SCAF8: variants seen among roughly 807,000 people sequenced by gnomAD.
SCAF8 encodes the protein SR-related and CTD-associated factor 8.
In SCAF8, 23 loss-of-function variants were observed where a neutral mutation model predicts 140.5. The ratio of observed to expected loss-of-function variants is 0.16; its 90% CI spans 0.12 to 0.23. The LOEUF (loss-of-function observed/expected upper bound fraction) is 0.23, where lower values mean the gene tolerates loss of function less well. SCAF8 is among the 10% of genes least tolerant of loss of function. SCAF8 has a pLI of 1.00. For synonymous variants in SCAF8, 575 were observed against 528.9 expected (o/e 1.09, Z -1.20); for missense variants, 1,397 against 1,555.7 (o/e 0.90, Z 1.72).
chr6:154,793,345 T>C (rs1387679008), intron 5 of SCAF8, among the ~76,000 whole-genome samples: 2 of 152,032 alleles, frequency 1.3e-5, no homozygotes, highest in African/African-American at 4.8e-5. Context: ...GAAACAATTA[T>C]TTAACAAAAC....
intron 1 of SCAF8, among the ~76,000 whole-genome samples, chr6:154,765,498 A>T (rs2114831257): frequency 6.6e-6 from 1 of 152,352 alleles, no homozygotes; most frequent in African/African-American, 2.4e-5. Flanking sequence ...TTATTTTTGT[A>T]TCCAACGAAA....
intron 1 of SCAF8, among the ~76,000 whole-genome samples, chr6:154,761,529 A>G (rs1379371609): frequency 6.6e-6 from 1 of 152,276 alleles, no homozygotes; most frequent in Non-Finnish European, 1.5e-5. Context: ...ATCATTTTGG[A>G]AGTTTTCAGA....
chr6:154,758,297 A>G (rs1394014310), intron 1 of SCAF8, among the ~76,000 whole-genome samples: 1 of 152,186 alleles, frequency 6.6e-6, no homozygotes, highest in African/African-American at 2.4e-5. Context: ...ATTTTTGTTT[A>G]TCAGGCAGTC....
At chr6:154,742,405 A>G (rs1241984171) in intron 1 of SCAF8, among the ~76,000 whole-genome samples, 1 of 152,210 alleles carries the variant, frequency 6.6e-6, no homozygotes, top group Non-Finnish European at 1.5e-5. Context: ...CAAATTATTG[A>G]CATATATGCT....
At chr6:154,780,232 C>T (rs1777047192) in intron 3 of SCAF8, among the ~76,000 whole-genome samples, 1 of 152,010 alleles carries the variant, frequency 6.6e-6, no homozygotes, top group Admixed American at 6.6e-5. Context: ...CTCTATTTTA[C>T]ATTTCAAAAT....
chr6:154,795,736 G>A (rs994959367), intron 6 of SCAF8, among the ~76,000 whole-genome samples: 8 of 152,198 alleles, frequency 5.3e-5, no homozygotes, highest in Admixed American at 1.3e-4. Context: ...GGCTTCTGTG[G>A]CTAGAACTTC....
At chr6:154,771,887 G>A (rs1776778458) in intron 1 of SCAF8, among the ~76,000 whole-genome samples, 2 of 152,008 alleles carry the variant, frequency 1.3e-5, no homozygotes, top group Non-Finnish European at 2.9e-5. Flanking sequence ...TAGAAGTTGG[G>A]GGGGAAAAAA....
At chr6:154,772,536 A>G (rs1458929489) in intron 1 of SCAF8, among the ~76,000 whole-genome samples, 2 of 152,102 alleles carry the variant, frequency 1.3e-5, no homozygotes, top group African/African-American at 4.8e-5. Flanking sequence ...CAAAACATAT[A>G]AAAATTAGCC....
rs1778042861 is a variant in SCAF8 at position 154,810,037 on chromosome 6, A to G, written c.1249A>G (p.Arg417Gly). Residue 417 changes from arginine to glycine, a missense_variant, in exon 12 of 20, where the codon AGG becomes GGG. This residue lies in a region of SCAF8 where 339 missense variants were observed against 407.5 expected (regional missense o/e 0.83). Transcript: ENST00000367178. ...RSRSPRKRRS[R>G]SRSGSRKRKH... Reference sequence around the variant, plus strand: ...TAGATCACCAAGAAAACGAAGGTCTAGGTCACGGTCTGGCTCTAGAAAGCG... The same window carrying G: ...TAGATCACCAAGAAAACGAAGGTCTGGGTCACGGTCTGGCTCTAGAAAGCG... 1 of 1,605,544 alleles carries G rather than the reference A, an allele frequency of 6.2e-7. No homozygotes were observed. Among genetic ancestry groups the G allele is most frequent in the Non-Finnish European group, 8.5e-7 (1 of 1,177,928 alleles).
Position 154,833,219 on chromosome 6 carries a change from G to A in SCAF8, c.3640G>A (p.Val1214Ile), listed in dbSNP as rs368915550. 3.1e-6 allele frequency: 5 copies of A among 1,614,026 alleles called. No individual in the cohort carries two copies. The highest frequency in any genetic ancestry group is 1.3e-5 in the African/African-American group (1 of 75,020). ...SQRKGDNVPQ[V>I]NGENTERHAQ... ...ACGAAAAGGTGATAATGTGCCTCAGGTTAATGGTGAAAATACAGAGAGACA... is the reference window on the plus strand; with the variant it reads ...ACGAAAAGGTGATAATGTGCCTCAGATTAATGGTGAAAATACAGAGAGACA... Residue 1214 changes from valine (V) to isoleucine (I), a missense_variant, in exon 20 of 20, where the codon GTT (valine) becomes ATT (isoleucine). Val to Ile is a conservative substitution (Grantham distance 29). Coordinates refer to ENST00000367178, the MANE Select transcript of SCAF8 (RefSeq NM_014892.5).
intron 7 of SCAF8, among the ~76,000 whole-genome samples, chr6:154,802,488 G>A (rs928895354): frequency 3.3e-5 from 5 of 152,000 alleles, no homozygotes; most frequent in African/African-American, 9.6e-5. Flanking sequence ...CAGATGATGC[G>A]TGCCTGTAAT....
chr6:154,761,987 T>G (rs962173446), intron 1 of SCAF8, among the ~76,000 whole-genome samples: 2 of 152,242 alleles, frequency 1.3e-5, no homozygotes, highest in Non-Finnish European at 2.9e-5. Flanking sequence ...TATTTTCACT[T>G]GTAAACTTAG....
chr6:154,758,728 CCT>C (rs1779026996), intron 1 of SCAF8, among the ~76,000 whole-genome samples: 9 of 152,122 alleles, frequency 5.9e-5, no homozygotes, highest in Admixed American at 5.2e-4. Context: ...ATAATAGAGA[CCT>C]CTGTTTCCTC....
chr6:154,831,523 C>G (rs1021621884), intron 19 of SCAF8, among the ~76,000 whole-genome samples: 2 of 151,852 alleles, frequency 1.3e-5, no homozygotes, highest in Non-Finnish European at 2.9e-5. Flanking sequence ...CCAGCTAGCT[C>G]TAGAAGATAA....
chr6:154,803,704 A>AG, intron 8 of SCAF8, 81 bp downstream of exon 8: 1 of 817,236 alleles, frequency 1.2e-6, no homozygotes, highest in Non-Finnish European at 2.0e-6. Context: ...ATACTTAGTA[A>AG]GTTGGGATTA....
At chr6:154,795,221 AG>A in intron 6 of SCAF8, 82 bp downstream of exon 6, 1 of 1,187,092 alleles carries the variant, frequency 8.4e-7, no homozygotes, top group South Asian at 1.9e-5. Context: ...TACCACCTAG[AG>A]AATATGTGCT....
intron 9 of SCAF8, among the ~76,000 whole-genome samples, chr6:154,807,541 T>C (rs573816031): frequency 6.6e-6 from 1 of 152,208 alleles, no homozygotes; most frequent in Admixed American, 6.5e-5. Flanking sequence ...CACCGTGCCC[T>C]GCTAATTTTT....
chr6:154,831,184 G>T, intron 19 of SCAF8, 44 bp downstream of exon 19: 2 of 1,216,606 alleles, frequency 1.6e-6, no homozygotes, highest in Non-Finnish European at 2.3e-6. Context: ...TTGCCTCTCT[G>T]TATTTGGTGT....
intron 3 of SCAF8, among the ~76,000 whole-genome samples, chr6:154,779,681 G>A (rs1777025335): frequency 6.6e-6 from 1 of 151,932 alleles, no homozygotes; most frequent in Non-Finnish European, 1.5e-5. Context: ...CAGTGTATGG[G>A]GAAAAACTTA....
Sources: allele counts gnomAD v4.1 joint callset (sites outside exome capture counted in the v4.1 genomes callset), GRCh38; gene constraint gnomAD v4.1.1; regional missense constraint gnomAD v4.1.1; transcripts MANE v1.5; gene names NCBI Gene and HGNC (gene_info 2026-07-23, HGNC 2026-07-21).